PAM: variants seen among roughly 807,000 people sequenced by gnomAD.
PAM encodes the protein peptidyl-glycine alpha-amidating monooxygenase.
Under a neutral mutation model 122.1 loss-of-function variants are expected in PAM, and 72 were observed. The ratio of observed to expected loss-of-function variants is 0.59; its 90% CI spans 0.49 to 0.72. The LOEUF is 0.72. Ranked by LOEUF, PAM falls within the 30% of genes least tolerant of loss-of-function variation. The pLI is 0.00. For missense variants in PAM, 1,106 were observed against 1,183.7 expected (o/e 0.93, Z 0.96); for synonymous variants, 389 against 404.4 (o/e 0.96, Z 0.46).
intron 4 of PAM, among the ~76,000 whole-genome samples, chr5:102,901,719 T>G (rs1039863210): frequency 4.0e-5 from 6 of 151,510 alleles, no homozygotes; most frequent in African/African-American, 1.2e-4. Context: ...GATGCTTAAT[T>G]CCACTCCACT....
chr5:102,886,507 T>G (rs565316272), intron 3 of PAM, among the ~76,000 whole-genome samples: 2 of 152,092 alleles, frequency 1.3e-5, no homozygotes, highest in East Asian at 3.9e-4. Context: ...GCCATTGTTC[T>G]TTACATTCAT....
At position 103,028,954 on chromosome 5, in the gene PAM, G is replaced by A; in HGVS notation, c.2811G>A (p.Gly937=). The A allele has an allele frequency of 6.2e-7, 1 of 1,613,864 alleles. No individual in the cohort carries two copies. Among genetic ancestry groups the A allele is most frequent in the Non-Finnish European group, 8.5e-7 (1 of 1,179,808 alleles). The part of the protein sequence containing the change: ...FASRKGYSRK[G]FDRLSTEGSD... ...GCCGTAAGGGCTACAGTCGAAAAGG[G>A]TTTGACCGGCTTAGCACTGAGGGCA... The change falls in exon 26 of 26, where the codon GGG becomes GGA. Residue 937 remains glycine (G), a synonymous_variant. Coordinates refer to ENST00000438793, the MANE Select transcript of PAM (RefSeq NM_001177306.2).
chr5:103,021,042 T>G (rs560234078), intron 23 of PAM, among the ~76,000 whole-genome samples: 3 of 152,302 alleles, frequency 2.0e-5, no homozygotes, highest in African/African-American at 7.2e-5. Context: ...GATCATGTTG[T>G]TAATAGTAGC....
At chr5:102,779,895 A>ATG (rs1758184277) in intron 1 of PAM, among the ~76,000 whole-genome samples, 1 of 89,164 alleles carries the variant, frequency 1.1e-5, no homozygotes, top group Non-Finnish European at 2.1e-5. Flanking sequence ...ACATATATAT[A>ATG]TATATATATA....
chr5:102,990,645 A>T (rs867283688), intron 16 of PAM, among the ~76,000 whole-genome samples: 1 of 152,214 alleles, frequency 6.6e-6, no homozygotes, highest in Non-Finnish European at 1.5e-5. Flanking sequence ...ACAATCTGTG[A>T]TTCTACCCAC....
rs11288361 is a variant in PAM at position 102,827,439 on chromosome 5, ATT to A, written c.-373-38377_-373-38376del. On this transcript the variant is annotated intron_variant, in intron 1 of 25. Coordinates refer to ENST00000438793, the MANE Select transcript of PAM (RefSeq NM_001177306.2). Reference sequence around the variant, plus strand: ...TAGGAAAATAAAATAACATTTTAGTATTTTTTTTATACACCTTCCTGATACAT... The same window carrying A: ...TAGGAAAATAAAATAACATTTTAGTATTTTTTATACACCTTCCTGATACAT... Among the ~76,000 whole-genome samples the A allele has an allele frequency of 5.9e-5, 9 of 151,712 alleles. 1 individual carries two copies. In the South Asian group the frequency reaches 1.7e-3, roughly 28 times the overall value.
chr5:102,962,178 G>A (rs1366829648), intron 14 of PAM, among the ~76,000 whole-genome samples: 1 of 151,796 alleles, frequency 6.6e-6, no homozygotes, highest in East Asian at 1.9e-4. Context: ...AGGGGAAAAT[G>A]CATTCTGAAA....
chr5:102,867,671 A>G (rs1215134230), intron 3 of PAM, among the ~76,000 whole-genome samples: 2 of 152,318 alleles, frequency 1.3e-5, no homozygotes, highest in East Asian at 3.9e-4. Context: ...CTGTGGAGTA[A>G]TAGCCTCTGT....
At position 102,785,322 on chromosome 5, in the gene PAM, G is replaced by A. The variant is rs572538997; in HGVS notation, c.-374+29974G>A. On this transcript the variant is annotated intron_variant, in intron 1 of 25. Transcript: ENST00000438793. ...AGCAAGCCTTTCAAATGAATCTCAT[G>A]CCCTTTAAAGTTTGAGAACCTCTGT... Among the ~76,000 whole-genome samples, 370 of 152,296 alleles carry A rather than the reference G, an allele frequency of 2.4e-3. 1 individual carries two copies. The highest frequency in any genetic ancestry group is 9.3e-3 in the South Asian group (45 of 4,830).
At chr5:102,984,513 CAA>C (rs1253053335) in intron 15 of PAM, among the ~76,000 whole-genome samples, 1 of 151,906 alleles carries the variant, frequency 6.6e-6, no homozygotes, top group African/African-American at 2.4e-5. Context: ...TATATAATGA[CAA>C]AGAGATGAAT....
chr5:103,028,872 T>A lies in PAM; in HGVS notation c.2744-15T>A. On this transcript the variant is annotated splice_polypyrimidine_tract_variant and intron_variant, in intron 25 of 25. Coordinates refer to ENST00000438793, the MANE Select transcript of PAM (RefSeq NM_001177306.2). ...CAAACTTTACCCAATTCTGTTATTG[T>A]TTGCTTTTTTTCAGGAAAGGGAAGT... 6.3e-7 allele frequency: 1 copy of A among 1,586,524 alleles called. No individual in the cohort carries two copies. The highest frequency in any genetic ancestry group is 1.7e-4 in the Middle Eastern group (1 of 5,930).
intron 1 of PAM, among the ~76,000 whole-genome samples, chr5:102,782,286 G>A (rs1759181813): frequency 6.6e-6 from 1 of 152,142 alleles, no homozygotes; most frequent in Non-Finnish European, 1.5e-5. Flanking sequence ...GCAGAACTCT[G>A]GTATGAAGTT....
intron 3 of PAM, among the ~76,000 whole-genome samples, chr5:102,876,063 G>A (rs1050355372): frequency 4.6e-5 from 7 of 152,052 alleles, no homozygotes; most frequent in African/African-American, 1.2e-4. Flanking sequence ...TTGGAATATC[G>A]TATTTCAGAG....
At chr5:102,758,068 A>ATTTTG (rs1561362077) in intron 1 of PAM, among the ~76,000 whole-genome samples, 5 of 87,608 alleles carry the variant, frequency 5.7e-5, no homozygotes, top group Non-Finnish European at 1.1e-4. Context: ...AAGACTTAGA[A>ATTTTG]TTTTGTTTTT....
intron 1 of PAM, among the ~76,000 whole-genome samples, chr5:102,780,077 A>G (rs1758312294): frequency 6.6e-6 from 1 of 151,818 alleles, no homozygotes; most frequent in African/African-American, 2.4e-5. Context: ...TAGCATGATG[A>G]AAACGTGTGC....
chr5:103,027,355 T>C (rs555241130), intron 24 of PAM, among the ~76,000 whole-genome samples: 4 of 152,342 alleles, frequency 2.6e-5, no homozygotes, highest in Non-Finnish European at 4.4e-5. Context: ...TCCTCTCATC[T>C]GCGCTATCTT....
chr5:102,950,121 CT>C (rs1758315966), intron 11 of PAM, 143 bp downstream of exon 11: 1 of 562,078 alleles, frequency 1.8e-6, no homozygotes, highest in Admixed American at 3.3e-5. Context: ...GTATAACCTC[CT>C]TTTTGCAACT....
At chr5:103,019,140 C>T (rs771881478) in intron 22 of PAM, among the ~76,000 whole-genome samples, 10 of 151,602 alleles carry the variant, frequency 6.6e-5, no homozygotes, top group African/African-American at 1.5e-4. Flanking sequence ...GATTTACCTA[C>T]GGGGGGGGAC....
At chr5:102,951,740 CT>C (rs1185290182) in intron 12 of PAM, among the ~76,000 whole-genome samples, 1 of 151,958 alleles carries the variant, frequency 6.6e-6, no homozygotes, top group African/African-American at 2.4e-5. Context: ...CTCTAAATGG[CT>C]TTTTTATATA....
Sources: gnomAD v4.1 joint callset for allele counts (sites outside exome capture counted in the v4.1 genomes callset) on GRCh38, gnomAD v4.1.1 for gene constraint, MANE v1.5 for transcripts, NCBI Gene and HGNC (gene_info 2026-07-23, HGNC 2026-07-21) for gene names.